ITGA9: variants seen among roughly 807,000 people sequenced by gnomAD.
ITGA9 encodes the protein integrin subunit alpha 9.
Under a neutral mutation model 127.8 loss-of-function variants are expected in ITGA9, and 56 were observed. The observed-to-expected ratio is 0.44, with a 90% CI of 0.35 to 0.55. The LOEUF (loss-of-function observed/expected upper bound fraction) is 0.55, where lower values mean the gene tolerates loss of function less well. ITGA9 is among the 20% of genes least tolerant of loss of function. The pLI is 0.00. For missense variants in ITGA9, 1,196 were observed against 1,347.1 expected, an observed-to-expected ratio of 0.89 and a Z score of 1.76; for synonymous variants, 508 against 514.5, an observed-to-expected ratio of 0.99 and a Z score of 0.17.
intron 15 of ITGA9, among the ~76,000 whole-genome samples, chr3:37,567,018 GA>G (rs1310006444): frequency 6.6e-6 from 1 of 152,192 alleles, no homozygotes; most frequent in East Asian, 1.9e-4. Context: ...CTGAGCCACA[GA>G]AAAGGGGCTG....
At chr3:37,754,644 A>G (rs982852117) in intron 23 of ITGA9, among the ~76,000 whole-genome samples, 1 of 152,214 alleles carries the variant, frequency 6.6e-6, no homozygotes, top group Non-Finnish European at 1.5e-5. Context: ...AAGGAGATAT[A>G]TCAATGTCTT....
intron 14 of ITGA9, among the ~76,000 whole-genome samples, chr3:37,538,561 G>A (rs1699234851): frequency 6.6e-6 from 1 of 152,218 alleles, no homozygotes; most frequent in African/African-American, 2.4e-5. Flanking sequence ...TTACCTCATG[G>A]CCGGCTGTGG....
intron 3 of ITGA9, among the ~76,000 whole-genome samples, chr3:37,475,755 C>T (rs1443368159): frequency 6.6e-6 from 1 of 152,220 alleles, no homozygotes; most frequent in Non-Finnish European, 1.5e-5. Flanking sequence ...AACTTACCAC[C>T]TTAACCATTT....
rs762999914 is a variant in ITGA9 at position 37,803,773 on chromosome 3, C to CAA, written c.2890-41_2890-40dup. 5.6e-6 allele frequency: 8 copies of CAA among 1,428,408 alleles called. No individual in the cohort carries two copies. In the East Asian group the frequency reaches 7.6e-5, roughly 14 times the overall value. The allele number at this position is 1,428,408 out of a possible 1,614,324, so 88.5% of individuals were successfully genotyped here. A position where few individuals can be genotyped will look rare whatever the true frequency, so the allele number is the denominator to read the frequency against. On this transcript the variant is annotated intron_variant, in intron 26 of 27. Transcript: ENST00000264741. ...TGGGTGACAGAACAAGACTCTGTCTCAAAAAAAAAATAAAAAAGGAAATGT... is the reference window on the plus strand; with the variant it reads ...TGGGTGACAGAACAAGACTCTGTCTCAAAAAAAAAAAATAAAAAAGGAAATGT...
intron 12 of ITGA9, 121 bp downstream of exon 12, chr3:37,523,732 G>A: frequency 1.3e-6 from 1 of 776,636 alleles, no homozygotes; most frequent in East Asian, 2.6e-5. Flanking sequence ...TCACACAATA[G>A]AATAGGGTGT....
chr3:37,478,751 A>G (rs1275968030), intron 3 of ITGA9, among the ~76,000 whole-genome samples: 1 of 152,192 alleles, frequency 6.6e-6, no homozygotes, highest in Non-Finnish European at 1.5e-5. Flanking sequence ...CTCTTTCTGT[A>G]ATTTATATTC....
Position 37,799,232 on chromosome 3 carries a change from G to A in ITGA9, c.2890-4591G>A, listed in dbSNP as rs1464831748. Among the ~76,000 whole-genome samples the A allele has an allele frequency of 2.0e-5, 3 of 152,012 alleles. No individual in the cohort carries two copies. Among genetic ancestry groups the A allele is most frequent in the Non-Finnish European group, 4.4e-5 (3 of 67,998 alleles). ...CTTGCTCTTTCACCCAGGCTGGAAT[G>A]CAGTGGTGCCACCTTGACTCACTGC... On this transcript the variant is annotated intron_variant, in intron 26 of 27. Transcript: ENST00000264741. The surrounding 1 kb of genome is among the most constrained non-coding windows in gnomAD (Gnocchi z 4.0).
At chr3:37,691,493 G>A (rs891436364) in intron 18 of ITGA9, among the ~76,000 whole-genome samples, 1 of 152,126 alleles carries the variant, frequency 6.6e-6, no homozygotes, top group Non-Finnish European at 1.5e-5. Context: ...GTTGCCAGGT[G>A]GGAGTGAGGC....
At chr3:37,479,123 C>T (rs973992832) in intron 3 of ITGA9, among the ~76,000 whole-genome samples, 1 of 152,094 alleles carries the variant, frequency 6.6e-6, no homozygotes, top group African/African-American at 2.4e-5. Flanking sequence ...ACTGATTTAC[C>T]CACAAATTAG....
At chr3:37,789,499 C>T (rs2125555972) in intron 26 of ITGA9, among the ~76,000 whole-genome samples, 1 of 152,052 alleles carries the variant, frequency 6.6e-6, no homozygotes, top group African/African-American at 2.4e-5. Flanking sequence ...GTGGCTCACA[C>T]CTGTAATCCT....
chr3:37,670,933 G>A (rs1700631565), intron 17 of ITGA9, among the ~76,000 whole-genome samples: 1 of 152,214 alleles, frequency 6.6e-6, no homozygotes, highest in African/African-American at 2.4e-5. Flanking sequence ...GCTAACCTGG[G>A]CTTTCTTGAG....
At chr3:37,614,960 C>T (rs1351671844) in intron 15 of ITGA9, among the ~76,000 whole-genome samples, 11 of 152,086 alleles carry the variant, frequency 7.2e-5, no homozygotes, top group Non-Finnish European at 1.0e-4. Flanking sequence ...CCTTTATTTC[C>T]TTCTCCTGCC....
At chr3:37,612,708 A>C (rs1700034880) in intron 15 of ITGA9, among the ~76,000 whole-genome samples, 1 of 152,254 alleles carries the variant, frequency 6.6e-6, no homozygotes, top group South Asian at 2.1e-4. Context: ...AGCCAAAAGA[A>C]GTTGACCATT....
At chr3:37,648,635 T>G (rs1700401542) in intron 16 of ITGA9, among the ~76,000 whole-genome samples, 1 of 151,668 alleles carries the variant, frequency 6.6e-6, no homozygotes, top group Non-Finnish European at 1.5e-5. Context: ...TCTAATAAAT[T>G]AATAAAATAA....
chr3:37,769,429 A>G (rs958451800), intron 23 of ITGA9, among the ~76,000 whole-genome samples: 1 of 152,068 alleles, frequency 6.6e-6, no homozygotes, highest in Non-Finnish European at 1.5e-5. Context: ...CATGATCTAA[A>G]TCATACATTC....
At chr3:37,615,338 G>C (rs1380991625) in intron 15 of ITGA9, among the ~76,000 whole-genome samples, 4 of 152,078 alleles carry the variant, frequency 2.6e-5, no homozygotes, top group Non-Finnish European at 4.4e-5. Context: ...GGTGGATAAG[G>C]CTTTTGATGT....
At chr3:37,461,232 G>A (rs965027530) in intron 1 of ITGA9, among the ~76,000 whole-genome samples, 19 of 152,270 alleles carry the variant, frequency 1.2e-4, no homozygotes, top group Middle Eastern at 3.4e-3. Flanking sequence ...CCATAAAAGG[G>A]GGCACTGCTG....
intron 16 of ITGA9, among the ~76,000 whole-genome samples, chr3:37,641,093 T>A (rs894658341): frequency 6.6e-6 from 1 of 152,080 alleles, no homozygotes; most frequent in Non-Finnish European, 1.5e-5. Flanking sequence ...GGCTCCCCGG[T>A]GGGACGCAAT....
chr3:37,628,104 T>C (rs1700193769), intron 15 of ITGA9, among the ~76,000 whole-genome samples: 1 of 152,202 alleles, frequency 6.6e-6, no homozygotes, highest in Non-Finnish European at 1.5e-5. Flanking sequence ...TCTGCACTTG[T>C]GGCCCTGAGG....
Sources: gnomAD v4.1 joint callset for allele counts (sites outside exome capture counted in the v4.1 genomes callset) on GRCh38, gnomAD v4.1.1 for gene constraint, Gnocchi (gnomAD v3.1) non-coding constraint, MANE v1.5 for transcripts, NCBI Gene and HGNC (gene_info 2026-07-23, HGNC 2026-07-21) for gene names.